Variants in FSTL5 observed in about 807,000 individuals in gnomAD.
FSTL5 encodes the protein follistatin-related protein 5.
FSTL5 carries 62 observed loss-of-function variants against 89.1 expected under a neutral mutation model. The ratio of observed to expected loss-of-function variants is 0.70; its 90% confidence interval spans 0.57 to 0.86. The LOEUF (loss-of-function observed/expected upper bound fraction) is 0.86. Among genes scored for constraint, FSTL5 ranks in the 40% least tolerant of loss-of-function variants. The probability of loss-of-function intolerance (pLI) is 0.00; values close to 1 mark genes in which losing one functional copy is unlikely to be tolerated. For missense variants in FSTL5, 1,057 were observed against 1,001.6 expected, an observed-to-expected ratio of 1.06 and a Z score of -0.75; for synonymous variants, 383 against 346.2, an observed-to-expected ratio of 1.11 and a Z score of -1.18.
At chr4:161,536,670 A>G (rs1197481673) in intron 10 of FSTL5, among the ~76,000 whole-genome samples, 1 of 152,146 alleles carries the variant, frequency 6.6e-6, no homozygotes, top group East Asian at 1.9e-4. Flanking sequence ...ATCCTGTTAA[A>G]CCTTCTCCTA....
intron 7 of FSTL5, among the ~76,000 whole-genome samples, chr4:161,601,295 C>A (rs2126624579): frequency 7.1e-6 from 1 of 140,696 alleles, no homozygotes; most frequent in African/African-American, 2.7e-5. Context: ...TACCTGCATC[C>A]TTTCCCCTAG....
chr4:161,482,270 C>T (rs1011573053), intron 12 of FSTL5, among the ~76,000 whole-genome samples: 11 of 151,930 alleles, frequency 7.2e-5, no homozygotes, highest in South Asian at 2.1e-4. Flanking sequence ...GAGCCAAGAT[C>T]GCGCCACTGC....
At chr4:161,587,282 C>T (rs1733647042) in intron 8 of FSTL5, among the ~76,000 whole-genome samples, 173 bp downstream of exon 8, 1 of 150,132 alleles carries the variant, frequency 6.7e-6, no homozygotes, top group Admixed American at 6.7e-5. Context: ...TGCTTATTTA[C>T]TTGGAAATTT....
intron 4 of FSTL5, 30 bp downstream of exon 4, chr4:161,920,374 G>A (rs1204938829): frequency 1.2e-6 from 2 of 1,601,980 alleles, no homozygotes; most frequent in East Asian, 2.2e-5. Flanking sequence ...AATAGAGTGG[G>A]GTGACACTTA....
At chr4:162,105,598 A>C (rs1731195946) in intron 2 of FSTL5, among the ~76,000 whole-genome samples, 1 of 152,146 alleles carries the variant, frequency 6.6e-6, no homozygotes, top group South Asian at 2.1e-4. Context: ...AGAAAAAAAT[A>C]AAAAATTTTT....
intron 10 of FSTL5, among the ~76,000 whole-genome samples, chr4:161,522,570 T>C (rs1439612225): frequency 6.6e-6 from 1 of 151,506 alleles, no homozygotes; most frequent in African/African-American, 2.4e-5. Context: ...TACATACATA[T>C]ATAATTTTTT....
chr4:161,838,506 G>T (rs187276108), intron 4 of FSTL5, among the ~76,000 whole-genome samples: 3 of 151,926 alleles, frequency 2.0e-5, no homozygotes, highest in Admixed American at 2.0e-4. Context: ...GGATGGTCTC[G>T]ATCTCCTGAC....
chr4:161,600,435 T>C (rs1734190321), intron 7 of FSTL5, among the ~76,000 whole-genome samples: 1 of 146,880 alleles, frequency 6.8e-6, no homozygotes, highest in East Asian at 2.0e-4. Flanking sequence ...AGTATAGATA[T>C]ATCTCTTTTT....
intron 4 of FSTL5, among the ~76,000 whole-genome samples, chr4:161,789,275 G>T (rs938823937): frequency 2.0e-5 from 3 of 151,792 alleles, no homozygotes; most frequent in Non-Finnish European, 4.4e-5. Context: ...CTGATTCTTA[G>T]TATTTGGTAA....
intron 4 of FSTL5, among the ~76,000 whole-genome samples, chr4:161,853,689 C>T (rs1731632274): frequency 6.6e-6 from 1 of 152,128 alleles, no homozygotes; most frequent in South Asian, 2.1e-4. Flanking sequence ...ATATTATTGG[C>T]ATAACCAAGA....
In FSTL5 at chr4:161,833,434, C is replaced by T. The variant is rs373070667; in HGVS notation, c.410-57360G>A. ...GAGCTGAGTTCAATTCCTGGGTATC[C>T]TTGTTAACTTTCTGTCTCGTTGATC... On this transcript the variant is annotated intron_variant, in intron 4 of 15. Coordinates refer to ENST00000306100, the MANE Select transcript of FSTL5 (RefSeq NM_020116.5). Among the ~76,000 whole-genome samples, 7 of 117,698 alleles carry T rather than the reference C, an allele frequency of 5.9e-5. No homozygotes were observed. The East Asian group carries it at 1.0e-3, about 17-fold the overall frequency. 77.2% of individuals were successfully genotyped at this position (117,698 alleles called of 152,430 possible). A position where few individuals can be genotyped will look rare whatever the true frequency, so the allele number is the denominator to read the frequency against.
intron 1 of FSTL5, among the ~76,000 whole-genome samples, chr4:162,127,808 T>A (rs1352268925): frequency 6.6e-6 from 1 of 152,196 alleles, no homozygotes; most frequent in Non-Finnish European, 1.5e-5. Context: ...CATGTGATTA[T>A]TTTATATATG....
intron 4 of FSTL5, among the ~76,000 whole-genome samples, chr4:161,866,465 AGTGTGTGTGTGTGTGTGTGTGTGTGTGT>A (rs70937692): frequency 6.8e-5 from 9 of 131,866 alleles, no homozygotes; most frequent in African/African-American, 2.3e-4. Context: ...TCTAAGCTGT[AGTGTGTGTGTGTGTGTGTGTGTGTGTGT>A]GTGTGTGTGT....
rs752248032 is a variant in FSTL5, at chr4:161,546,833, A to G, written c.1016-4140T>C. On this transcript the variant is annotated intron_variant, in intron 8 of 15. Coordinates refer to ENST00000306100, the MANE Select transcript of FSTL5 (RefSeq NM_020116.5). ...AAAATGGGGCTGGAGGCATCTCTTT[A>G]GTAGTGTTAAAATATCTCTATCAAT... Among the ~76,000 whole-genome samples the G allele has an allele frequency of 1.2e-4, 18 of 152,006 alleles. 1 individual carries two copies. Among genetic ancestry groups the G allele is most frequent in the Non-Finnish European group, 2.2e-4 (15 of 67,964 alleles).
chr4:161,748,529 G>T (rs192271719), intron 6 of FSTL5, among the ~76,000 whole-genome samples: 12 of 151,374 alleles, frequency 7.9e-5, no homozygotes, highest in Non-Finnish European at 1.5e-4. Context: ...AATCCATGTG[G>T]TATATAAGGT....
chr4:161,837,913 C>G (rs1448644105), intron 4 of FSTL5, among the ~76,000 whole-genome samples: 1 of 151,964 alleles, frequency 6.6e-6, no homozygotes, highest in African/African-American at 2.4e-5. Context: ...CTTTCAGGAT[C>G]AATAATACAA....
intron 1 of FSTL5, among the ~76,000 whole-genome samples, chr4:162,132,647 T>G (rs535075544): frequency 6.6e-6 from 1 of 152,308 alleles, no homozygotes; most frequent in East Asian, 1.9e-4. Context: ...CTATGCCTAC[T>G]GCATAGATGT....
chr4:161,468,913 T>A (rs1195856459), intron 13 of FSTL5, among the ~76,000 whole-genome samples: 1 of 152,186 alleles, frequency 6.6e-6, no homozygotes, highest in African/African-American at 2.4e-5. Context: ...TTTCATTTTT[T>A]AAAACTTTGG....
chr4:162,033,483 A>G (rs980986675), intron 3 of FSTL5, 142 bp downstream of exon 3: 8 of 553,108 alleles, frequency 1.4e-5, no homozygotes, highest in Admixed American at 3.7e-5. Flanking sequence ...ATAGGGCTCA[A>G]AATGGCTGTA....
Sources: gnomAD v4.1 joint callset for allele counts (sites outside exome capture counted in the v4.1 genomes callset) on GRCh38, gnomAD v4.1.1 for gene constraint, MANE v1.5 for transcripts, NCBI Gene and HGNC (gene_info 2026-07-23, HGNC 2026-07-21) for gene names.